TSPAN5: variants seen among roughly 807,000 people sequenced by gnomAD.
The protein encoded by TSPAN5 is tetraspanin 5.
In TSPAN5, 10 loss-of-function variants were observed where a neutral mutation model predicts 37.1. The observed-to-expected ratio is 0.27, with a 90% CI of 0.17 to 0.46. The LOEUF (loss-of-function observed/expected upper bound fraction) is 0.46. Among genes scored for constraint, TSPAN5 ranks in the 20% least tolerant of loss-of-function variants. TSPAN5 has a pLI of 1.00. For missense variants in TSPAN5, 195 were observed against 326.6 expected, an observed-to-expected ratio of 0.60 and a Z score of 3.11; for synonymous variants, 110 against 118.9, an observed-to-expected ratio of 0.93 and a Z score of 0.48.
chr4:98,487,026 T>A, intron 2 of TSPAN5, 142 bp from the exon 3 acceptor site: 1 of 614,480 alleles, frequency 1.6e-6, no homozygotes, highest in Non-Finnish European at 2.6e-6. Flanking sequence ...GATTAATACT[T>A]AAGAGAGGAA....
intron 1 of TSPAN5, among the ~76,000 whole-genome samples, chr4:98,587,245 G>A (rs879902845): frequency 6.6e-6 from 1 of 152,214 alleles, no homozygotes; most frequent in Non-Finnish European, 1.5e-5. Flanking sequence ...ACAGCACTGT[G>A]TGTGCCAGTG....
chr4:98,592,421 G>GTTTTT (rs1204813183), intron 1 of TSPAN5, among the ~76,000 whole-genome samples: 1,425 of 94,904 alleles, frequency 0.015, 74 homozygotes, highest in African/African-American at 0.052. Context: ...AGGGATCTCT[G>GTTTTT]TTTTTTGTTT....
chr4:98,637,449 A>G (rs1172749450), intron 1 of TSPAN5, among the ~76,000 whole-genome samples: 1 of 152,214 alleles, frequency 6.6e-6, no homozygotes, highest in Non-Finnish European at 1.5e-5. Flanking sequence ...GGCAGTTAAT[A>G]ATTTTCACAT....
In TSPAN5 at chr4:98,476,045, C is replaced by T. The variant is rs777436234; in HGVS notation, c.741+144G>A. On this transcript the variant is annotated intron_variant, in intron 7 of 7. Transcript: ENST00000305798. ...TAAATGAATAAAATAAAACACAAAC[C>T]AAATCGTTTAGGTCTGTTCCTCAGC... 3.2e-5 allele frequency: 15 copies of T among 463,664 alleles called. 1 individual carries two copies. The highest frequency in any genetic ancestry group is 7.2e-5 in the Admixed American group (2 of 27,944). The allele number at this position is 463,664 out of a possible 1,614,324, so 28.7% of individuals were successfully genotyped here.
chr4:98,571,366 G>A (rs1440790140), intron 1 of TSPAN5, among the ~76,000 whole-genome samples: 1 of 152,030 alleles, frequency 6.6e-6, no homozygotes, highest in African/African-American at 2.4e-5. Flanking sequence ...GAAGTGCACA[G>A]GGTTACTGCA....
chr4:98,493,999 C>T (rs1042998942), intron 2 of TSPAN5, among the ~76,000 whole-genome samples: 2 of 152,194 alleles, frequency 1.3e-5, no homozygotes, highest in African/African-American at 4.8e-5. Context: ...CCATTATCCA[C>T]TAGGTACCAG....
Position 98,658,544 on chromosome 4 carries a change from C to A in TSPAN5, c.-318G>T, listed in dbSNP as rs925923040. On this transcript the variant is annotated 5_prime_UTR_variant, in exon 1 of 8. Transcript: ENST00000305798. ...GCGTCCGTGCGCCAGGCGGTCGGTC[C>A]GTCGGTTCGTCCCCGGGCTTCGGGC... 7 of 178,578 alleles carry A rather than the reference C, an allele frequency of 3.9e-5. No homozygotes were observed. The highest frequency in any genetic ancestry group is 8.1e-5 in the Non-Finnish European group (7 of 86,014). 11.1% of individuals were successfully genotyped at this position (178,578 alleles called of 1,614,324 possible).
At chr4:98,599,773 T>C (rs1378543725) in intron 1 of TSPAN5, among the ~76,000 whole-genome samples, 1 of 152,248 alleles carries the variant, frequency 6.6e-6, no homozygotes, top group Admixed American at 6.5e-5. Flanking sequence ...TTCCCTTTTG[T>C]TGCTGAGTAG....
At chr4:98,645,216 C>G (rs1757038863) in intron 1 of TSPAN5, among the ~76,000 whole-genome samples, 1 of 152,144 alleles carries the variant, frequency 6.6e-6, no homozygotes, top group Non-Finnish European at 1.5e-5. Context: ...TCCATTATAA[C>G]AAAAGAAAAG....
chr4:98,577,766 C>G (rs988238085), intron 1 of TSPAN5, among the ~76,000 whole-genome samples: 1 of 152,174 alleles, frequency 6.6e-6, no homozygotes, highest in African/African-American at 2.4e-5. Context: ...CTGGCTGTGT[C>G]AATTGGCTGT....
At chr4:98,657,756 C>T (rs904781621) in intron 1 of TSPAN5, 8 of 268,828 alleles carry the variant, frequency 3.0e-5, no homozygotes, top group African/African-American at 4.7e-5. Context: ...TCGGCCGTGC[C>T]CGATTAGCCT....
chr4:98,524,010 T>A (rs1383410688), intron 1 of TSPAN5, among the ~76,000 whole-genome samples: 3 of 152,176 alleles, frequency 2.0e-5, no homozygotes. Context: ...TTATGTATAG[T>A]AGGCACTCAA....
intron 1 of TSPAN5, among the ~76,000 whole-genome samples, chr4:98,574,144 T>A (rs1360440459): frequency 6.6e-6 from 1 of 152,228 alleles, no homozygotes; most frequent in Non-Finnish European, 1.5e-5. Context: ...TAACTTTCCA[T>A]ATATCCTGAC....
rs188161732 is a variant in TSPAN5, at chr4:98,480,051, C to T, written c.451-1241G>A. 3.8e-3 allele frequency among the ~76,000 whole-genome samples: 577 copies of T among 152,146 alleles called. 5 individuals carry two copies. The highest frequency in any genetic ancestry group is 0.013 in the African/African-American group (552 of 41,486). ...CACTGCGTGACCAGAAGGCGGTGAC[C>T]CCCCTGGACCCAGCTTTCACTATCT... is the stretch of plus-strand genomic sequence containing the variant. On this transcript the variant is annotated intron_variant, in intron 4 of 7. Transcript: ENST00000305798.
intron 1 of TSPAN5, among the ~76,000 whole-genome samples, chr4:98,547,613 T>C (rs904600940): frequency 6.6e-6 from 1 of 152,192 alleles, no homozygotes; most frequent in Non-Finnish European, 1.5e-5. Context: ...AACTATTTTC[T>C]GTCAGTGTTA....
intron 1 of TSPAN5, among the ~76,000 whole-genome samples, chr4:98,610,662 G>T (rs6852645): frequency 1.3e-5 from 2 of 152,020 alleles, no homozygotes; most frequent in South Asian, 4.2e-4. Context: ...ATATTCAAGC[G>T]TATGTACAAA....
chr4:98,555,247 A>G (rs1342914259), intron 1 of TSPAN5, among the ~76,000 whole-genome samples: 2 of 151,558 alleles, frequency 1.3e-5, no homozygotes, highest in Non-Finnish European at 2.9e-5. Flanking sequence ...CTTTCTACCA[A>G]CTCTCCAATT....
rs1272829552 is a variant in TSPAN5, at chr4:98,538,245, A to G, written c.82-30517T>C. ...AATGACTTTGGACACTTTAGGGCAT[A>G]GCCAAAGAGCAAAGCAGTTACTTTG... is the stretch of plus-strand genomic sequence containing the variant. On this transcript the variant is annotated intron_variant, in intron 1 of 7. Transcript: ENST00000305798. 5.3e-5 allele frequency among the ~76,000 whole-genome samples: 8 copies of G among 152,376 alleles called. No individual in the cohort carries two copies. The East Asian group carries it at 1.5e-3, about 29-fold the overall frequency.
chr4:98,540,974 G>T (rs1235509916), intron 1 of TSPAN5, among the ~76,000 whole-genome samples: 2 of 152,184 alleles, frequency 1.3e-5, no homozygotes, highest in African/African-American at 4.8e-5. Flanking sequence ...AATTAGCACG[G>T]CATAAAGAAC....
Sources: allele counts gnomAD v4.1 joint callset (sites outside exome capture counted in the v4.1 genomes callset), GRCh38; gene constraint gnomAD v4.1.1; transcripts MANE v1.5; gene names NCBI Gene and HGNC (gene_info 2026-07-23, HGNC 2026-07-21).